The following AGMO variants were observed in gnomAD, a reference collection of about 807,000 sequenced individuals.
AGMO encodes the protein alkylglycerol monooxygenase, also known as glyceryl-ether monooxygenase.
AGMO carries 75 observed loss-of-function variants against 60.2 expected under a neutral mutation model. That is an observed-to-expected ratio of 1.25 (90% CI 1.03 to 1.51). AGMO has a LOEUF of 1.51. AGMO is among the 40% of genes most tolerant of loss of function. AGMO has a pLI of 0.00. For synonymous variants in AGMO, 261 were observed against 177.1 expected (o/e 1.47, Z -3.76); for missense variants, 763 against 525.5 (o/e 1.45, Z -4.42).
chr7:15,139,793 A>G, the AGMO span, among the ~76,000 whole-genome samples: 1 of 149,194 alleles, frequency 6.7e-6, no homozygotes, highest in African/African-American at 2.5e-5. Flanking sequence ...CCTGGGCTAC[A>G]GAGCTGCTAG....
rs1369674797 is a variant in AGMO, at chr7:15,387,423, T to G, written c.940A>C (p.Ser314Arg). 3 of 1,612,928 alleles carry G rather than the reference T, an allele frequency of 1.9e-6. No homozygotes were observed. The highest frequency in any genetic ancestry group is 3.4e-5 in the Admixed American group (2 of 59,600). Residue 314 changes from serine to arginine, a missense_variant, in exon 9 of 13, where the codon AGT becomes CGT. Ser to Arg is a moderately radical substitution (Grantham distance 110). Coordinates refer to ENST00000342526, the MANE Select transcript of AGMO (RefSeq NM_001004320.2). ...WGPGKPRLGL[S>R]EEIPEVTGKE... Reference sequence around the variant, plus strand: ...CTATTTACCTCTGGAATTTCTTCACTGAGACCAAGTCTTGGTTTACCTGGA... The same window carrying G: ...CTATTTACCTCTGGAATTTCTTCACGGAGACCAAGTCTTGGTTTACCTGGA...
intron 3 of AGMO, among the ~76,000 whole-genome samples, chr7:15,537,604 A>ACAAT (rs1425913983): frequency 6.6e-6 from 1 of 152,098 alleles, no homozygotes; most frequent in Non-Finnish European, 1.5e-5. Context: ...TCTATACTTT[A>ACAAT]CAATCAATGT....
At chr7:15,476,065 G>A (rs1263798680) in intron 3 of AGMO, among the ~76,000 whole-genome samples, 1 of 152,016 alleles carries the variant, frequency 6.6e-6, no homozygotes, top group African/African-American at 2.4e-5. Context: ...ATTTTTGGAT[G>A]AGTAAGCGAC....
the AGMO span, among the ~76,000 whole-genome samples, chr7:15,151,199 T>C: frequency 4.6e-3 from 702 of 152,276 alleles, 4 homozygotes; most frequent in African/African-American, 0.016. Context: ...ATCATGTTTA[T>C]TTGAATCTTC....
intron 10 of AGMO, among the ~76,000 whole-genome samples, chr7:15,369,126 A>C (rs930290319): frequency 2.6e-5 from 4 of 152,042 alleles, no homozygotes; most frequent in Non-Finnish European, 4.4e-5. Flanking sequence ...TTTAAAATAT[A>C]TCCAGAATAA....
the AGMO span, among the ~76,000 whole-genome samples, chr7:15,133,792 C>T: frequency 6.6e-6 from 1 of 152,120 alleles, no homozygotes; most frequent in Non-Finnish European, 1.5e-5. Context: ...GAGGTGAGAA[C>T]GTCCAGCAGT....
Position 15,329,001 on chromosome 7 carries a change from G to A in AGMO, c.1263+36513C>T, listed in dbSNP as rs1030634769. 2.5e-4 allele frequency among the ~76,000 whole-genome samples: 38 copies of A among 152,000 alleles called. 1 individual carries two copies. Among genetic ancestry groups the A allele is most frequent in the African/African-American group, 8.5e-4 (35 of 41,370 alleles). Reference sequence around the variant, plus strand: ...TATGGTTTGCTCCTTTACCTCCTTCGGGAGTTTGCCAAGAGTTCATAGAAA... The same window carrying A: ...TATGGTTTGCTCCTTTACCTCCTTCAGGAGTTTGCCAAGAGTTCATAGAAA... On this transcript the variant is annotated intron_variant, in intron 12 of 12. Transcript: ENST00000342526.
chr7:15,252,810 A>G (rs562093408), intron 12 of AGMO, among the ~76,000 whole-genome samples: 1 of 152,352 alleles, frequency 6.6e-6, no homozygotes, highest in East Asian at 1.9e-4. Context: ...TTTTAAGAAA[A>G]GAAAGAATCA....
chr7:15,450,006 G>A (rs1478851163), intron 3 of AGMO, among the ~76,000 whole-genome samples: 2 of 152,120 alleles, frequency 1.3e-5, no homozygotes, highest in African/African-American at 2.4e-5. Context: ...ATGAATTTCT[G>A]TTCAACTCTT....
At chr7:15,471,233 G>A (rs1258705740) in intron 3 of AGMO, among the ~76,000 whole-genome samples, 1 of 152,028 alleles carries the variant, frequency 6.6e-6, no homozygotes. Flanking sequence ...AGCTGGAGGT[G>A]AGCTATTAAA....
intron 4 of AGMO, among the ~76,000 whole-genome samples, chr7:15,427,391 G>C (rs1228056956): frequency 6.6e-6 from 1 of 152,112 alleles, no homozygotes; most frequent in African/African-American, 2.4e-5. Flanking sequence ...ACATTGTTAT[G>C]CTGTATTTGC....
rs1783629164 is a variant in AGMO at position 15,272,123 on chromosome 7, T to C, written c.1264-70764A>G. 2.6e-5 allele frequency among the ~76,000 whole-genome samples: 4 copies of C among 151,434 alleles called. No homozygotes were observed. The South Asian group carries it at 8.3e-4, about 31-fold the overall frequency. ...TTTGCATATATGTTTATCAGGGATA[T>C]TGGCCCTTTTTTTCTTTTTTTTATT... On this transcript the variant is annotated intron_variant, in intron 12 of 12. Transcript: ENST00000342526.
intron 5 of AGMO, among the ~76,000 whole-genome samples, chr7:15,403,075 GA>G (rs953030567): frequency 1.3e-5 from 2 of 151,736 alleles, no homozygotes; most frequent in African/African-American, 2.4e-5. Flanking sequence ...TGGGACTGAT[GA>G]AAAAAATCAC....
intron 12 of AGMO, among the ~76,000 whole-genome samples, chr7:15,312,941 T>C (rs189682548): frequency 2.6e-5 from 4 of 152,204 alleles, no homozygotes; most frequent in African/African-American, 7.2e-5. Context: ...AGTGCTGGGA[T>C]TACAGACATG....
chr7:15,384,716 C>A (rs545415773), intron 10 of AGMO, among the ~76,000 whole-genome samples: 1 of 151,850 alleles, frequency 6.6e-6, no homozygotes, highest in East Asian at 1.9e-4. Flanking sequence ...ACTTCACCTA[C>A]TTACAATTTA....
At position 15,500,233 on chromosome 7, in the gene AGMO, G is replaced by C. The variant is rs773715374; in HGVS notation, c.409+44539C>G. On this transcript the variant is annotated intron_variant, in intron 3 of 12. Transcript: ENST00000342526. Reference sequence around the variant, plus strand: ...ACATACTAGAGAAGTCTTATTTCTAGTGCTTTTAAACTGAGTCTTTTGAGT... The same window carrying C: ...ACATACTAGAGAAGTCTTATTTCTACTGCTTTTAAACTGAGTCTTTTGAGT... Among the ~76,000 whole-genome samples the C allele has an allele frequency of 7.0e-4, 106 of 151,904 alleles. No individual in the cohort carries two copies. In the Middle Eastern group the frequency reaches 0.01, roughly 15 times the overall value.
intron 12 of AGMO, among the ~76,000 whole-genome samples, chr7:15,284,281 T>C (rs1784044205): frequency 1.3e-5 from 2 of 151,880 alleles, no homozygotes; most frequent in Non-Finnish European, 2.9e-5. Flanking sequence ...AAAACATCAA[T>C]GAAACATAAA....
At chr7:15,137,713 G>A in the AGMO span, among the ~76,000 whole-genome samples, 1 of 152,164 alleles carries the variant, frequency 6.6e-6, no homozygotes, top group African/African-American at 2.4e-5. Context: ...TTATGATCAT[G>A]TTGAGGAGGT....
intron 12 of AGMO, among the ~76,000 whole-genome samples, chr7:15,223,900 C>A (rs1781996450): frequency 6.6e-6 from 1 of 151,974 alleles, no homozygotes; most frequent in Admixed American, 6.6e-5. Flanking sequence ...ATGTTTTCAT[C>A]AACAGCTTCA....
Sources: gnomAD v4.1 joint callset for allele counts (sites outside exome capture counted in the v4.1 genomes callset) on GRCh38, gnomAD v4.1.1 for gene constraint, MANE v1.5 for transcripts, NCBI Gene and HGNC (gene_info 2026-07-23, HGNC 2026-07-21) for gene names.